Variants in ATXN3 observed in about 807,000 individuals in gnomAD.
ATXN3 encodes the protein ataxin-3.
Under a neutral mutation model 58.2 loss-of-function variants are expected in ATXN3, and 28 were observed. That is an observed-to-expected ratio of 0.48 (90% CI 0.36 to 0.66). The LOEUF (loss-of-function observed/expected upper bound fraction) is 0.66, where lower values mean the gene tolerates loss of function less well. Among genes scored for constraint, ATXN3 ranks in the 30% least tolerant of loss-of-function variants. The probability of loss-of-function intolerance (pLI) is 0.00; values close to 1 mark genes in which losing one functional copy is unlikely to be tolerated. For synonymous variants in ATXN3, 113 were observed against 138.5 expected, an observed-to-expected ratio of 0.82 and a Z score of 1.29; for missense variants, 321 against 422.1, an observed-to-expected ratio of 0.76 and a Z score of 2.10.
intron 5 of ATXN3, 109 bp downstream of exon 5, chr14:92,093,140 CCCA>C: frequency 1.6e-6 from 1 of 620,106 alleles, no homozygotes; most frequent in Non-Finnish European, 2.7e-6. Context: ...AAGTGATCCC[CCCA>C]CCTCAGCCTC....
rs55913296 is a variant in ATXN3, at chr14:92,082,751, G to A, written c.609-285C>T. Among the ~76,000 whole-genome samples the A allele has an allele frequency of 3.8e-3, 579 of 150,988 alleles. 7 individuals carry two copies. The highest frequency in any genetic ancestry group is 0.013 in the African/African-American group (543 of 41,074). On this transcript the variant is annotated intron_variant, in intron 7 of 10. Coordinates refer to ENST00000644486, the MANE Select transcript of ATXN3 (RefSeq NM_004993.6). ...GTAGTCTCTACCTCCCCAGTTTCAGGTGATCCTTCTTCCTCTGCCTCCCAA... is the reference window on the plus strand; with the variant it reads ...GTAGTCTCTACCTCCCCAGTTTCAGATGATCCTTCTTCCTCTGCCTCCCAA...
chr14:92,055,771 G>A (rs2057462879), downstream of ATXN3, among the ~76,000 whole-genome samples: 1 of 152,148 alleles, frequency 6.6e-6, no homozygotes, highest in Non-Finnish European at 1.5e-5. The surrounding 1 kb of genome is among the most constrained non-coding windows in gnomAD (Gnocchi z 4.5). Flanking sequence ...GACCAGCCTG[G>A]GCAACATGGC....
At chr14:92,074,275 C>T (rs1266150627) in intron 9 of ATXN3, among the ~76,000 whole-genome samples, 11 of 151,790 alleles carry the variant, frequency 7.2e-5, no homozygotes, top group African/African-American at 2.4e-4. Context: ...TGCAGTGAGC[C>T]GAGATCACAC....
Position 92,058,664 on chromosome 14 carries a change from C to G in ATXN3, c.*5656G>C, listed in dbSNP as rs1308616848. 1 of 152,200 alleles carries G rather than the reference C, an allele frequency of 6.6e-6. No homozygotes were observed. Among genetic ancestry groups the G allele is most frequent in the Non-Finnish European group, 1.5e-5 (1 of 68,042 alleles). The allele number at this position is 152,200 out of a possible 1,614,324, so 9.4% of individuals were successfully genotyped here. ...GTTCAACAGTGCTTTGGAAGCCCGGCTTTTCTAACGACCAGACAGGAAGGC... is the reference window on the plus strand; with the variant it reads ...GTTCAACAGTGCTTTGGAAGCCCGGGTTTTCTAACGACCAGACAGGAAGGC... On this transcript the variant is annotated 3_prime_UTR_variant, in exon 11 of 11. Transcript: ENST00000644486.
At chr14:92,069,179 A>C (rs1196064694) in intron 10 of ATXN3, among the ~76,000 whole-genome samples, 71 of 141,760 alleles carry the variant, frequency 5.0e-4, no homozygotes, top group Middle Eastern at 4.3e-3. Context: ...CCCGGGTTCA[A>C]GTGATTCTCC....
chr14:92,068,995 A>T (rs1356857438), intron 10 of ATXN3, among the ~76,000 whole-genome samples: 1 of 152,108 alleles, frequency 6.6e-6, no homozygotes, highest in Non-Finnish European at 1.5e-5. Context: ...GTTTGGATAT[A>T]CCACAGTTTG....
chr14:92,045,155 A>G (rs1244567677), intron 2 of ATXN3, among the ~76,000 whole-genome samples: 3 of 152,186 alleles, frequency 2.0e-5, no homozygotes, highest in Admixed American at 2.0e-4. Flanking sequence ...GAAGGGCAAG[A>G]GGTAAAAATA....
chr14:92,049,634 C>T, exon 1 of ATXN3: 1 of 184,644 alleles, frequency 5.4e-6, no homozygotes, highest in Non-Finnish European at 1.1e-5. Context: ...GTTCCTTGGG[C>T]TGGTTGGTCT....
At chr14:92,056,554 C>G (rs1038657169), downstream of ATXN3, among the ~76,000 whole-genome samples, 1 of 152,046 alleles carries the variant, frequency 6.6e-6, no homozygotes, top group Non-Finnish European at 1.5e-5. Context: ...ATAGGAGATA[C>G]TTAGAATCAT....
chr14:92,047,295 A>G (rs1489266066), intron 2 of ATXN3, among the ~76,000 whole-genome samples: 2 of 152,272 alleles, frequency 1.3e-5, no homozygotes, highest in African/African-American at 2.4e-5. Flanking sequence ...AATTTGGTTG[A>G]TAAGATCCAG....
intron 9 of ATXN3, among the ~76,000 whole-genome samples, chr14:92,078,594 C>G (rs916805642): frequency 6.6e-6 from 1 of 151,938 alleles, no homozygotes; most frequent in African/African-American, 2.4e-5. Flanking sequence ...AACTCCTGAT[C>G]TCAGGTGATC....
upstream of ATXN3, among the ~76,000 whole-genome samples, chr14:92,050,851 T>C (rs2057445565): frequency 6.6e-6 from 1 of 152,170 alleles, no homozygotes. Flanking sequence ...TGACTTGAAG[T>C]GAGCCATCGG....
At chr14:92,096,199 T>A (rs2065201622) in intron 2 of ATXN3, 62 bp from the exon 3 acceptor site, 1 of 1,612,240 alleles carries the variant, frequency 6.2e-7, no homozygotes, top group Non-Finnish European at 8.5e-7. Flanking sequence ...ATACAAACTG[T>A]CATTAGCGTG....
intron 9 of ATXN3, among the ~76,000 whole-genome samples, chr14:92,075,372 G>A (rs2060187396): frequency 6.6e-6 from 1 of 152,010 alleles, no homozygotes; most frequent in Non-Finnish European, 1.5e-5. Context: ...TCGCCATGTT[G>A]GCCAGGCTAG....
intron 9 of ATXN3, chr14:92,080,711 T>G (rs1050025180): frequency 4.8e-5 from 20 of 414,386 alleles, no homozygotes; most frequent in Non-Finnish European, 9.5e-5. Context: ...TTCTTTTGTA[T>G]TTTTAGTAGA....
At chr14:92,096,619 G>A (rs1215988003) in intron 2 of ATXN3, 55 bp downstream of exon 2, 138 of 1,394,226 alleles carry the variant, frequency 9.9e-5, no homozygotes, top group Admixed American at 1.4e-4. Flanking sequence ...GCGAGACTCC[G>A]TCTCAAAAAA....
At chr14:92,079,394 T>C (rs2061036063) in intron 9 of ATXN3, 1 of 948,812 alleles carries the variant, frequency 1.1e-6, no homozygotes, top group Non-Finnish European at 1.3e-6. Flanking sequence ...CTATACTGAA[T>C]AAAGACTAGA....
intron 9 of ATXN3, chr14:92,077,680 C>T (rs757874738): frequency 6.1e-5 from 9 of 147,736 alleles, no homozygotes; most frequent in Non-Finnish European, 8.9e-5. Context: ...GTATCTCGCT[C>T]TGTCACCCAG....
chr14:92,072,240 AC>A (rs1250830799), intron 9 of ATXN3, among the ~76,000 whole-genome samples: 4 of 152,136 alleles, frequency 2.6e-5, no homozygotes, highest in African/African-American at 9.7e-5. Context: ...TATACACTGA[AC>A]AACTGAGACA....
Sources: allele counts gnomAD v4.1 joint callset (sites outside exome capture counted in the v4.1 genomes callset), GRCh38; gene constraint gnomAD v4.1.1; non-coding constraint Gnocchi (gnomAD v3.1); transcripts MANE v1.5; gene names NCBI Gene and HGNC (gene_info 2026-07-23, HGNC 2026-07-21).